RPH3A: variants seen among roughly 807,000 people sequenced by gnomAD.
RPH3A encodes rabphilin-3A.
Under a neutral mutation model 102.2 loss-of-function variants are expected in RPH3A, and 48 were observed. The ratio of observed to expected loss-of-function variants is 0.47; its 90% CI spans 0.37 to 0.60. RPH3A has a LOEUF of 0.60. Among genes scored for constraint, RPH3A ranks in the 20% least tolerant of loss-of-function variants. RPH3A has a pLI of 0.00. For synonymous variants in RPH3A, 310 were observed against 324.3 expected, an observed-to-expected ratio of 0.96 and a Z score of 0.47; for missense variants, 781 against 910.1, an observed-to-expected ratio of 0.86 and a Z score of 1.83.
intron 1 of RPH3A, among the ~76,000 whole-genome samples, chr12:112,675,628 G>A (rs1424535224): frequency 6.6e-6 from 1 of 152,150 alleles, no homozygotes; most frequent in African/African-American, 2.4e-5. Flanking sequence ...ACTCCAAAGA[G>A]GGCAAAAGTT....
chr12:112,789,207 C>T (rs2041071984), upstream of RPH3A, among the ~76,000 whole-genome samples: 1 of 152,168 alleles, frequency 6.6e-6, no homozygotes, highest in Admixed American at 6.5e-5. Context: ...GTGCCTGGGA[C>T]TGCCCTAGGC....
At chr12:112,882,888 A>C (rs891087503) in intron 15 of RPH3A, among the ~76,000 whole-genome samples, 4 of 152,290 alleles carry the variant, frequency 2.6e-5, no homozygotes, top group African/African-American at 9.6e-5. Context: ...TGGCCCCTCT[A>C]AGGAATTTTA....
rs1247989005 is a variant in RPH3A at position 112,616,410 on chromosome 12, GTGCTGGGAT to G, written c.-140+41095_-140+41103del. Among the ~76,000 whole-genome samples, 8 of 152,322 alleles carry G rather than the reference GTGCTGGGAT, an allele frequency of 5.3e-5. No homozygotes were observed. In the South Asian group the frequency reaches 1.7e-3, roughly 32 times the overall value. ...GATCCTCCTGCCTCGGCCTCCCAAA[GTGCTGGGAT>G]TGCAGGTGTGAGCCACCGCGCGCAG... On this transcript the variant is annotated intron_variant, in intron 1 of 21. Coordinates refer to the RPH3A transcript ENST00000543106.
At chr12:112,841,880 G>A (rs1250528790) in intron 4 of RPH3A, 1 of 453,962 alleles carries the variant, frequency 2.2e-6, no homozygotes, top group Non-Finnish European at 4.4e-6. Flanking sequence ...AGGTTAGTTG[G>A]TCTCTCTCTC....
intron 2 of RPH3A, among the ~76,000 whole-genome samples, chr12:112,822,101 CA>C (rs11321096): frequency 0.034 from 5,190 of 152,174 alleles, 293 homozygotes; most frequent in African/African-American, 0.12. Flanking sequence ...ATCAAATAGT[CA>C]GAGTGATTTT....
chr12:112,647,225 A>G (rs2039937930), intron 1 of RPH3A, among the ~76,000 whole-genome samples: 1 of 152,158 alleles, frequency 6.6e-6, no homozygotes, highest in Non-Finnish European at 1.5e-5. Flanking sequence ...CATGACAATT[A>G]CAACCCCACC....
At chr12:112,783,793 C>T (rs115878030) in intron 1 of RPH3A, among the ~76,000 whole-genome samples, 596 of 152,318 alleles carry the variant, frequency 3.9e-3, no homozygotes, top group African/African-American at 0.014. Flanking sequence ...AGCCAGCTCC[C>T]TCTCAATTAT....
chr12:112,896,008 C>T, intron 21 of RPH3A, 135 bp downstream of exon 21: 1 of 631,558 alleles, frequency 1.6e-6, no homozygotes, highest in Admixed American at 2.5e-5. Flanking sequence ...TAAATTGAGA[C>T]CCATGATCTT....
intron 2 of RPH3A, among the ~76,000 whole-genome samples, chr12:112,823,518 A>G (rs2041817412): frequency 6.6e-6 from 1 of 152,190 alleles, no homozygotes; most frequent in Admixed American, 6.5e-5. Context: ...GAAGCAGGAA[A>G]AGAGAATTAC....
At chr12:112,812,122 G>A (rs553192295) in intron 2 of RPH3A, among the ~76,000 whole-genome samples, 30 of 152,246 alleles carry the variant, frequency 2.0e-4, no homozygotes, top group Non-Finnish European at 4.0e-4. Flanking sequence ...AATTGGCTTG[G>A]ATTGGGGAAC....
intron 1 of RPH3A, among the ~76,000 whole-genome samples, chr12:112,774,635 A>G (rs2040951191): frequency 6.6e-6 from 1 of 152,238 alleles, no homozygotes; most frequent in African/African-American, 2.4e-5. Context: ...TTGCACATGG[A>G]TGAAGCTGGA....
At chr12:112,807,109 T>G (rs1302263022) in intron 2 of RPH3A, among the ~76,000 whole-genome samples, 1 of 151,976 alleles carries the variant, frequency 6.6e-6, no homozygotes, top group Non-Finnish European at 1.5e-5. Flanking sequence ...TGCAGGACCA[T>G]GCAATCAAGA....
chr12:112,668,136 T>C (rs985967516), intron 1 of RPH3A, among the ~76,000 whole-genome samples: 14 of 152,176 alleles, frequency 9.2e-5, no homozygotes, highest in African/African-American at 3.4e-4. Context: ...TTGATCTATC[T>C]CTTCATGGCC....
chr12:112,797,242 C>T (rs1053122356), intron 2 of RPH3A, among the ~76,000 whole-genome samples: 7 of 152,240 alleles, frequency 4.6e-5, no homozygotes, highest in East Asian at 1.9e-4. Context: ...AGAGCAGATG[C>T]TTTGGAGCGA....
chr12:112,855,480 A>G (rs2136201824), intron 5 of RPH3A, among the ~76,000 whole-genome samples: 1 of 152,288 alleles, frequency 6.6e-6, no homozygotes, highest in East Asian at 1.9e-4. Flanking sequence ...ACTCTGAACC[A>G]AGGTGACCTC....
Position 112,828,361 on chromosome 12 carries a change from T to C in RPH3A, c.43T>C (p.Tyr15His), listed in dbSNP as rs760366872. 1.4e-4 allele frequency: 218 copies of C among 1,607,352 alleles called. 1 individual carries two copies. The highest frequency in any genetic ancestry group is 1.7e-4 in the Non-Finnish European group (204 of 1,177,090). Reference protein sequence around the residue: ...VFSNSSNRWMYPSDRPLQSND... With the variant: ...VFSNSSNRWMHPSDRPLQSND... ...CAGCAACAGTTCTAACCGTTGGATG[T>C]ACCCCAGTGACCGGCCCCTTCAATC... Residue 15 changes from tyrosine to histidine, a missense_variant, in exon 3 of 22, where the codon TAC becomes CAC. This residue lies in a region of RPH3A where 730 missense variants were observed against 810.0 expected (regional missense o/e 0.90). Transcript: ENST00000389385.
At chr12:112,703,986 G>A (rs1288938608) in intron 1 of RPH3A, among the ~76,000 whole-genome samples, 36 of 152,066 alleles carry the variant, frequency 2.4e-4, no homozygotes, top group Admixed American at 2.4e-3. Context: ...GATCAGACTT[G>A]AGCTACAGCT....
chr12:112,610,603 C>G (rs1439637520), intron 1 of RPH3A, among the ~76,000 whole-genome samples: 2 of 151,064 alleles, frequency 1.3e-5, no homozygotes, highest in African/African-American at 4.9e-5. Context: ...ATCTTCAAAG[C>G]ACTTAAACAT....
chr12:112,771,804 G>A (rs932869096), intron 1 of RPH3A, among the ~76,000 whole-genome samples: 1 of 152,096 alleles, frequency 6.6e-6, no homozygotes, highest in Non-Finnish European at 1.5e-5. Context: ...TTAGTAAGTT[G>A]TAAAATCCTA....
Sources: gnomAD v4.1 joint callset for allele counts (sites outside exome capture counted in the v4.1 genomes callset) on GRCh38, gnomAD v4.1.1 for gene constraint, gnomAD v4.1.1 regional missense constraint, MANE v1.5 for transcripts, NCBI Gene and HGNC (gene_info 2026-07-23, HGNC 2026-07-21) for gene names.